CST2: variants seen among roughly 807,000 people sequenced by gnomAD.
CST2 encodes cystatin-SA.
CST2 carries 26 observed loss-of-function variants against 13.4 expected under a neutral mutation model. That is an observed-to-expected ratio of 1.95 (90% confidence interval 1.43 to 2.70). The LOEUF (loss-of-function observed/expected upper bound fraction) is 2.70, where lower values mean the gene tolerates loss of function less well. CST2 is among the 30% of genes most tolerant of loss of function. CST2 has a pLI of 0.00. For missense variants in CST2, 243 were observed against 173.4 expected (o/e 1.40, Z -2.25); for synonymous variants, 105 against 71.1 (o/e 1.48, Z -2.40).
intron 2 of CST2, among the ~76,000 whole-genome samples, chr20:23,824,786 C>G (rs1984774345): frequency 6.6e-6 from 1 of 152,148 alleles, no homozygotes; most frequent in African/African-American, 2.4e-5. Flanking sequence ...CACCCCAAAG[C>G]AGGCAGAGTT....
At position 23,823,933 on chromosome 20, in the gene CST2, A is replaced by C; in HGVS notation, c.*87T>G. On this transcript the variant is annotated 3_prime_UTR_variant, in exon 3 of 3. Coordinates refer to ENST00000304725, the MANE Select transcript of CST2 (RefSeq NM_001322.3). ...CTGCAGGTGCATGGGGAGACCTCCC[A>C]CAGGGTGGGGGCCACCAGTCCAGGG... 9.8e-6 allele frequency: 13 copies of C among 1,321,158 alleles called. No individual in the cohort carries two copies. The highest frequency in any genetic ancestry group is 2.1e-4 in the Middle Eastern group (1 of 4,802). The allele number at this position is 1,321,158 out of a possible 1,614,324, so 81.8% of individuals were successfully genotyped here.
intron 1 of CST2, 117 bp downstream of exon 1, chr20:23,826,316 A>G (rs1984834754): frequency 2.4e-6 from 2 of 844,162 alleles, no homozygotes; most frequent in East Asian, 2.6e-5. Flanking sequence ...GGAAAGCTGA[A>G]TGAATCTGAG....
At position 23,824,013 on chromosome 20, in the gene CST2, C is replaced by T. The variant is rs1984746914; in HGVS notation, c.*7G>A. The T allele has an allele frequency of 6.2e-7, 1 of 1,613,988 alleles. No individual in the cohort carries two copies. Among genetic ancestry groups the T allele is most frequent in the East Asian group, 2.2e-5 (1 of 44,862 alleles). ...AGGTGGTCAGTGTGACTCCCTGGCA[C>T]AGATCCCTAGGCTTCTTGACACCTG... On this transcript the variant is annotated 3_prime_UTR_variant, in exon 3 of 3. Transcript: ENST00000304725.
chr20:23,826,538 A>T lies in CST2; in HGVS notation c.123T>A (p.Asp41Glu). Residue 41 changes from aspartate to glutamate, a missense_variant, in exon 1 of 3, where the codon GAT (aspartate) becomes GAA (glutamate). Physicochemically the swap from Asp to Glu is conservative, Grantham distance 45. Transcript: ENST00000304725. ...EGGIYDADLNDERVQRALHFV... is the reference protein window; with the variant it reads ...EGGIYDADLNEERVQRALHFV... The stretch of plus-strand genomic sequence containing the variant: ...AGTGAAGGGCACGCTGTACCCGCTC[A>T]TCATTGAGGTCTGCATCATAGATGC... 1 of 1,614,126 alleles carries T rather than the reference A, an allele frequency of 6.2e-7. No homozygotes were observed. Among genetic ancestry groups the T allele is most frequent in the Non-Finnish European group, 8.5e-7 (1 of 1,180,006 alleles).
chr20:23,823,835 A>T lies in CST2; in HGVS notation c.*185T>A. On this transcript the variant is annotated 3_prime_UTR_variant, in exon 3 of 3. Transcript: ENST00000304725. ...ACCATGTACCAGGGCTATGAGAAGC[A>T]AAAGGAAGGAGGGAGGGCAGAGTCC... is the stretch of plus-strand genomic sequence containing the variant. The T allele has an allele frequency of 6.5e-6, 4 of 618,498 alleles. No homozygotes were observed. Among genetic ancestry groups the T allele is most frequent in the South Asian group, 2.0e-5 (1 of 49,800 alleles). 38.3% of individuals were successfully genotyped at this position (618,498 alleles called of 1,614,324 possible).
chr20:23,824,916 C>G (rs1225618160), intron 2 of CST2, among the ~76,000 whole-genome samples: 3 of 152,044 alleles, frequency 2.0e-5, no homozygotes, highest in African/African-American at 7.3e-5. Context: ...TTGGACCCCT[C>G]AACCCCATGG....
chr20:23,824,040 A>G lies in CST2; in HGVS notation c.406T>C (p.Ser136Pro). 6.2e-7 allele frequency: 1 copy of G among 1,614,092 alleles called. No individual in the cohort carries two copies. The highest frequency in any genetic ancestry group is 8.5e-7 in the Non-Finnish European group (1 of 1,179,964). ...PWEDRMSLVNSRCQEA is the reference protein window; with the variant it reads ...PWEDRMSLVNPRCQEA Reference sequence around the variant, plus strand: ...GATCCCTAGGCTTCTTGACACCTGGAATTCACCAGGGACATTCTGTCCTCC... The same window carrying G: ...GATCCCTAGGCTTCTTGACACCTGGGATTCACCAGGGACATTCTGTCCTCC... Residue 136 changes from serine (S) to proline (P), a missense_variant, in exon 3 of 3, where the codon TCC (serine) becomes CCC (proline). Physicochemically the swap from Ser to Pro is moderately conservative, Grantham distance 74. Coordinates refer to ENST00000304725, the MANE Select transcript of CST2 (RefSeq NM_001322.3).
At position 23,823,968 on chromosome 20, in the gene CST2, C is replaced by T; in HGVS notation, c.*52G>A. ...GGCCACCAGTCCAGGGGTGGGAGCA[C>T]TACAAGGGGTGGGAGTAGGAGGTGG... On this transcript the variant is annotated 3_prime_UTR_variant, in exon 3 of 3. Transcript: ENST00000304725. The T allele has an allele frequency of 6.3e-7, 1 of 1,597,806 alleles. No homozygotes were observed. Among genetic ancestry groups the T allele is most frequent in the East Asian group, 2.2e-5 (1 of 44,706 alleles).
chr20:23,824,610 G>T (rs1429822879), intron 2 of CST2, among the ~76,000 whole-genome samples: 1 of 152,150 alleles, frequency 6.6e-6, no homozygotes, highest in African/African-American at 2.4e-5. Context: ...GGTGTTGGGT[G>T]AGCCGGGCAG....
intron 2 of CST2, 122 bp from the exon 3 acceptor site, chr20:23,824,225 C>T: frequency 2.1e-6 from 2 of 942,602 alleles, no homozygotes; most frequent in South Asian, 1.5e-5. Flanking sequence ...CCCTCACCCA[C>T]CCCTGCTGAG....
chr20:23,826,126 T>G (rs1356288066), intron 1 of CST2, among the ~76,000 whole-genome samples: 3 of 152,068 alleles, frequency 2.0e-5, no homozygotes, highest in Admixed American at 2.0e-4. Context: ...GGGAGTGAAG[T>G]AGGGCTCTGC....
rs190202467 is a variant in CST2, at chr20:23,825,299, A to G, written c.253T>C (p.Phe85Leu). The G allele has an allele frequency of 6.8e-6, 10 of 1,477,650 alleles. No homozygotes were observed. In the East Asian group the frequency reaches 2.3e-4, roughly 34 times the overall value. 91.5% of individuals were successfully genotyped at this position (1,477,650 alleles called of 1,614,324 possible). A position where few individuals can be genotyped will look rare whatever the true frequency, so the allele number is the denominator to read the frequency against. The change falls in exon 2 of 3, where the codon TTC becomes CTC. Residue 85 changes from phenylalanine to leucine, a missense_variant. Transcript: ENST00000304725. Reference protein sequence around the residue: ...EQIVGGVNYFFDIEVGRTICT... With the variant: ...EQIVGGVNYFLDIEVGRTICT... Reference sequence around the variant, plus strand: ...ATGGTTCGGCCCACCTCTATGTCGAAGAAGTAATTCACCCCGCCCACGATC... The same window carrying G: ...ATGGTTCGGCCCACCTCTATGTCGAGGAAGTAATTCACCCCGCCCACGATC...
At position 23,823,943 on chromosome 20, in the gene CST2, GGCCACCAGTCCAGGGGTGGGA is replaced by G; in HGVS notation, c.*56_*76del. On this transcript the variant is annotated 3_prime_UTR_variant, in exon 3 of 3. Transcript: ENST00000304725. Reference sequence around the variant, plus strand: ...ATGGGGAGACCTCCCACAGGGTGGGGGCCACCAGTCCAGGGGTGGGAGCACTACAAGGGGTGGGAGTAGGAG... The same window carrying G: ...ATGGGGAGACCTCCCACAGGGTGGGGGCACTACAAGGGGTGGGAGTAGGAG... The G allele has an allele frequency of 1.3e-6, 2 of 1,508,416 alleles. No individual in the cohort carries two copies. The highest frequency in any genetic ancestry group is 4.5e-5 in the East Asian group (2 of 44,038). 93.4% of individuals were successfully genotyped at this position (1,508,416 alleles called of 1,614,324 possible). A position where few individuals can be genotyped will look rare whatever the true frequency, so the allele number is the denominator to read the frequency against.
chr20:23,825,485 G>A (rs1984804488), intron 1 of CST2, among the ~76,000 whole-genome samples, 162 bp from the exon 2 acceptor site: 1 of 152,242 alleles, frequency 6.6e-6, no homozygotes, highest in South Asian at 2.1e-4. Flanking sequence ...TCAGCTGGCA[G>A]GGTGCTGGGC....
intron 1 of CST2, among the ~76,000 whole-genome samples, chr20:23,825,891 A>G (rs1490660533): frequency 6.6e-6 from 1 of 152,204 alleles, no homozygotes; most frequent in East Asian, 1.9e-4. Context: ...AGCTGGGCCC[A>G]ATAGCCCTTC....
intron 2 of CST2, among the ~76,000 whole-genome samples, chr20:23,824,400 G>A (rs1984761233): frequency 6.6e-6 from 1 of 152,170 alleles, no homozygotes; most frequent in Admixed American, 6.5e-5. Flanking sequence ...CAAGGGTGCA[G>A]GGCATGGGGA....
At chr20:23,826,100 C>G (rs750927286) in intron 1 of CST2, among the ~76,000 whole-genome samples, 23 of 152,144 alleles carry the variant, frequency 1.5e-4, no homozygotes, top group Non-Finnish European at 2.5e-4. Context: ...AGGGCTGTAC[C>G]CACGGGTGTG....
In CST2 at chr20:23,824,113, G is replaced by A. The variant is rs375422175; in HGVS notation, c.343-10C>T. On this transcript the variant is annotated splice_polypyrimidine_tract_variant and intron_variant, in intron 2 of 2. Transcript: ENST00000304725. ...AAGAGCACAACTGTTTCTGTGAAAG[G>A]GAAGAGAGAGGGCCAATCAGTGTGA... 2 of 1,613,656 alleles carry A rather than the reference G, an allele frequency of 1.2e-6. No individual in the cohort carries two copies. Among genetic ancestry groups the A allele is most frequent in the East Asian group, 2.2e-5 (1 of 44,868 alleles).
At position 23,823,821 on chromosome 20, in the gene CST2, G is replaced by C; in HGVS notation, c.*199C>G. ...GTGGGGGTGTGTGTACCATGTACCAGGGCTATGAGAAGCAAAAGGAAGGAG... is the reference window on the plus strand; with the variant it reads ...GTGGGGGTGTGTGTACCATGTACCACGGCTATGAGAAGCAAAAGGAAGGAG... On this transcript the variant is annotated 3_prime_UTR_variant, in exon 3 of 3. Coordinates refer to ENST00000304725, the MANE Select transcript of CST2 (RefSeq NM_001322.3). 1 of 600,152 alleles carries C rather than the reference G, an allele frequency of 1.7e-6. No homozygotes were observed. Among genetic ancestry groups the C allele is most frequent in the Non-Finnish European group, 3.0e-6 (1 of 334,730 alleles). 37.2% of individuals were successfully genotyped at this position (600,152 alleles called of 1,614,324 possible). A position where few individuals can be genotyped will look rare whatever the true frequency, so the allele number is the denominator to read the frequency against.
Sources: allele counts gnomAD v4.1 joint callset (sites outside exome capture counted in the v4.1 genomes callset), GRCh38; gene constraint gnomAD v4.1.1; transcripts MANE v1.5; gene names NCBI Gene and HGNC (gene_info 2026-07-23, HGNC 2026-07-21).